PRKACB: variants seen among roughly 807,000 people sequenced by gnomAD.
PRKACB encodes cAMP-dependent protein kinase catalytic subunit beta.
PRKACB carries 16 observed loss-of-function variants against 51.4 expected under a neutral mutation model. The observed-to-expected ratio is 0.31, with a 90% CI of 0.21 to 0.47. PRKACB has a LOEUF of 0.47. Ranked by LOEUF, PRKACB falls within the 20% of genes least tolerant of loss-of-function variation. The pLI, the probability that PRKACB is intolerant of heterozygous loss-of-function variation, is 1.00. For missense variants in PRKACB, 309 were observed against 464.5 expected (o/e 0.67, Z 3.08); for synonymous variants, 147 against 154.4 (o/e 0.95, Z 0.35).
chr1:84,230,237 A>G (rs1252870668), intron 9 of PRKACB, among the ~76,000 whole-genome samples: 11 of 149,922 alleles, frequency 7.3e-5, no homozygotes, highest in South Asian at 2.1e-4. Flanking sequence ...AAGATCAGAT[A>G]GTTGTAGATA....
chr1:84,148,919 C>T (rs1175051365), intron 1 of PRKACB, among the ~76,000 whole-genome samples: 3 of 152,098 alleles, frequency 2.0e-5, no homozygotes, highest in African/African-American at 7.2e-5. Flanking sequence ...TAGAAGACAG[C>T]TTGCTACTCA....
intron 8 of PRKACB, among the ~76,000 whole-genome samples, chr1:84,203,510 C>CT (rs1302283820): frequency 6.6e-6 from 1 of 151,828 alleles, no homozygotes; most frequent in East Asian, 1.9e-4. Flanking sequence ...GACCTCGGAT[C>CT]TTTTTTTAAA....
chr1:84,088,756 T>C (rs1648220705), intron 1 of PRKACB, among the ~76,000 whole-genome samples: 1 of 152,198 alleles, frequency 6.6e-6, no homozygotes, highest in Non-Finnish European at 1.5e-5. Flanking sequence ...TCAGTACTTA[T>C]TGAGCGCCTA....
At chr1:84,096,075 G>T (rs376598504) in intron 1 of PRKACB, among the ~76,000 whole-genome samples, 3 of 151,994 alleles carry the variant, frequency 2.0e-5, no homozygotes, top group South Asian at 2.1e-4. Context: ...CTGATGGTTA[G>T]AGTTGGGTCA....
chr1:84,185,851 A>G (rs1041736722), intron 5 of PRKACB, among the ~76,000 whole-genome samples: 2 of 152,300 alleles, frequency 1.3e-5, no homozygotes, highest in South Asian at 2.1e-4. Context: ...TTCATTCAGT[A>G]TAGTGTGTTG....
At chr1:84,205,797 A>G (rs949274044) in intron 8 of PRKACB, among the ~76,000 whole-genome samples, 4 of 152,082 alleles carry the variant, frequency 2.6e-5, no homozygotes, top group African/African-American at 9.7e-5. Context: ...TCCTACACAT[A>G]TTTTGCCTTT....
At chr1:84,096,176 G>A (rs1284221224) in intron 1 of PRKACB, among the ~76,000 whole-genome samples, 1 of 151,970 alleles carries the variant, frequency 6.6e-6, no homozygotes, top group East Asian at 1.9e-4. Flanking sequence ...TACTCCTATC[G>A]ATGGAGCCTT....
At chr1:84,111,011 C>T (rs368693685) in intron 1 of PRKACB, among the ~76,000 whole-genome samples, 165 of 152,012 alleles carry the variant, frequency 1.1e-3, no homozygotes, top group African/African-American at 3.9e-3. Context: ...TCTTTATCAC[C>T]CTTTTTGAGG....
At chr1:84,209,084 T>G (rs1671757842) in intron 8 of PRKACB, among the ~76,000 whole-genome samples, 1 of 152,160 alleles carries the variant, frequency 6.6e-6, no homozygotes, top group African/African-American at 2.4e-5. Flanking sequence ...GTTCAGTGAT[T>G]CATTTGTTAT....
chr1:84,198,875 T>C (rs553282895), intron 7 of PRKACB, among the ~76,000 whole-genome samples: 6 of 148,486 alleles, frequency 4.0e-5, no homozygotes, highest in Non-Finnish European at 5.9e-5. Flanking sequence ...ATACACCACA[T>C]ATATGTGTAT....
At chr1:84,086,373 G>C in intron 1 of PRKACB, 1 of 606,652 alleles carries the variant, frequency 1.6e-6, no homozygotes, top group Non-Finnish European at 2.9e-6. Context: ...CTGCCCAGGG[G>C]CCATCAGAAG....
At chr1:84,173,066 C>T (rs1660059845) in intron 1 of PRKACB, among the ~76,000 whole-genome samples, 1 of 151,550 alleles carries the variant, frequency 6.6e-6, no homozygotes, top group African/African-American at 2.4e-5. Context: ...GCAAAGTGAA[C>T]ACAATTATTC....
chr1:84,117,146 C>T (rs983900732), intron 1 of PRKACB, among the ~76,000 whole-genome samples: 22 of 152,022 alleles, frequency 1.4e-4, no homozygotes, highest in South Asian at 2.1e-4. Context: ...CTTGCATTCC[C>T]GGAATGAATC....
At chr1:84,225,696 T>A (rs1174542169) in intron 9 of PRKACB, among the ~76,000 whole-genome samples, 1 of 152,122 alleles carries the variant, frequency 6.6e-6, no homozygotes, top group Non-Finnish European at 1.5e-5. Context: ...GTCCCTATAC[T>A]TGTCTCAGAA....
intron 1 of PRKACB, among the ~76,000 whole-genome samples, chr1:84,157,073 T>C (rs1398579521): frequency 6.6e-6 from 1 of 152,188 alleles, no homozygotes; most frequent in Non-Finnish European, 1.5e-5. Flanking sequence ...CTAAAATCTA[T>C]GAAAGAGATT....
At chr1:84,112,651 C>T (rs961378455) in intron 1 of PRKACB, among the ~76,000 whole-genome samples, 4 of 152,148 alleles carry the variant, frequency 2.6e-5, no homozygotes, top group Non-Finnish European at 5.9e-5. Context: ...CTTAAATTGA[C>T]TAGCATCAAT....
At chr1:84,159,603 A>G (rs1440826745) in intron 1 of PRKACB, among the ~76,000 whole-genome samples, 2 of 152,046 alleles carry the variant, frequency 1.3e-5, no homozygotes, top group Admixed American at 6.6e-5. Context: ...TTCTTGCCTC[A>G]TTGCACTGGC....
intron 1 of PRKACB, among the ~76,000 whole-genome samples, chr1:84,082,744 A>C (rs1647650109): frequency 6.6e-6 from 1 of 152,178 alleles, no homozygotes; most frequent in African/African-American, 2.4e-5. Flanking sequence ...GACTAGTACC[A>C]CTGAGAAACT....
intron 1 of PRKACB, among the ~76,000 whole-genome samples, chr1:84,092,216 C>T (rs1314073897): frequency 6.6e-6 from 1 of 152,130 alleles, no homozygotes; most frequent in African/African-American, 2.4e-5. Flanking sequence ...ACTGAAACCC[C>T]AGAAACTTCC....
Sources: gnomAD v4.1 joint callset for allele counts (sites outside exome capture counted in the v4.1 genomes callset) on GRCh38, gnomAD v4.1.1 for gene constraint, MANE v1.5 for transcripts, NCBI Gene and HGNC (gene_info 2026-07-23, HGNC 2026-07-21) for gene names.